The following MIPOL1 variants were observed in gnomAD, a reference collection of about 807,000 sequenced individuals.
The protein encoded by MIPOL1 is mirror-image polydactyly 1.
A neutral mutation model predicts 60.9 loss-of-function variants in MIPOL1; 57 were observed. The ratio of observed to expected loss-of-function variants is 0.94; its 90% CI spans 0.76 to 1.17. The LOEUF is 1.17. MIPOL1 is among the 50% of genes most tolerant of loss of function. MIPOL1 has a pLI of 0.00. For missense variants in MIPOL1, 551 were observed against 511.6 expected (o/e 1.08, Z -0.74); for synonymous variants, 179 against 168.8 (o/e 1.06, Z -0.47).
intron 12 of MIPOL1, among the ~76,000 whole-genome samples, chr14:37,529,814 A>G (rs1343831110): frequency 6.6e-6 from 1 of 152,212 alleles, no homozygotes; most frequent in Non-Finnish European, 1.5e-5. Flanking sequence ...TCACCCTGGC[A>G]GGAGCGGAGG....
chr14:37,291,400 T>G (rs2153416808), intron 7 of MIPOL1, among the ~76,000 whole-genome samples: 1 of 152,264 alleles, frequency 6.6e-6, no homozygotes, highest in South Asian at 2.1e-4. Context: ...TAATACCAAT[T>G]GTCATTGTTC....
At chr14:37,397,201 G>A (rs536408541) in intron 10 of MIPOL1, among the ~76,000 whole-genome samples, 2 of 152,218 alleles carry the variant, frequency 1.3e-5, no homozygotes, top group Admixed American at 1.3e-4. Flanking sequence ...TTTTCCTATG[G>A]ATGTGGCTTC....
intron 1 of MIPOL1, among the ~76,000 whole-genome samples, chr14:37,212,696 G>A (rs1315414837): frequency 6.6e-6 from 1 of 152,150 alleles, no homozygotes; most frequent in Admixed American, 6.5e-5. Context: ...CCTGCTGACT[G>A]TAGAGTTCAA....
chr14:37,355,566 T>G (rs1394653762), intron 9 of MIPOL1, among the ~76,000 whole-genome samples: 2 of 145,968 alleles, frequency 1.4e-5, no homozygotes, highest in Non-Finnish European at 3.0e-5. Context: ...GATTTGGTCT[T>G]TTCACATAGT....
At chr14:37,422,555 T>C (rs1039165478) in intron 10 of MIPOL1, among the ~76,000 whole-genome samples, 6 of 152,052 alleles carry the variant, frequency 3.9e-5, no homozygotes, top group Non-Finnish European at 5.9e-5. Flanking sequence ...CATGTTCCAC[T>C]TTCTGAATTC....
intron 11 of MIPOL1, among the ~76,000 whole-genome samples, chr14:37,487,171 C>A (rs2153602769): frequency 6.6e-6 from 1 of 152,154 alleles, no homozygotes; most frequent in African/African-American, 2.4e-5. Context: ...ATCCTTGCAT[C>A]CCAGGGATGA....
chr14:37,398,541 C>G lies in MIPOL1; in HGVS notation c.937-24314C>G, dbSNP rs1414540797. Among the ~76,000 whole-genome samples, 6 of 152,318 alleles carry G rather than the reference C, an allele frequency of 3.9e-5. No individual in the cohort carries two copies. In the East Asian group the frequency reaches 9.6e-4, roughly 24 times the overall value. ...CCAGGCCAACCTTTTCGTATCTTCT[C>G]TGGCCATCAACAATAATAGCCATTT... On this transcript the variant is annotated intron_variant, in intron 10 of 12. Coordinates refer to ENST00000684589, the MANE Select transcript of MIPOL1 (RefSeq NM_001388067.1).
chr14:37,220,054 T>G (rs1025307900), intron 1 of MIPOL1, among the ~76,000 whole-genome samples: 6 of 152,218 alleles, frequency 3.9e-5, no homozygotes, highest in Non-Finnish European at 7.3e-5. Context: ...ATGTTTTTAC[T>G]TTGTGTGCCT....
intron 9 of MIPOL1, among the ~76,000 whole-genome samples, chr14:37,358,894 A>G (rs951781012): frequency 2.0e-5 from 3 of 152,062 alleles, no homozygotes; most frequent in South Asian, 2.1e-4. Context: ...TGTTTTAGTC[A>G]TGACGTCCTT....
chr14:37,234,396 G>T lies in MIPOL1; in HGVS notation c.-198-12707G>T, dbSNP rs187230961. Among the ~76,000 whole-genome samples, 59 of 128,082 alleles carry T rather than the reference G, an allele frequency of 4.6e-4. 1 individual carries two copies. In the East Asian group the frequency reaches 0.013, roughly 29 times the overall value. 84.0% of individuals were successfully genotyped at this position (128,082 alleles called of 152,430 possible). A position where few individuals can be genotyped will look rare whatever the true frequency, so the allele number is the denominator to read the frequency against. On this transcript the variant is annotated intron_variant, in intron 1 of 12. Transcript: ENST00000684589. Reference sequence around the variant, plus strand: ...TTTTCAGGTGGGATCTTGCTGTATTGCCCTGGCTGGCCTCGAACTCCTAGG... The same window carrying T: ...TTTTCAGGTGGGATCTTGCTGTATTTCCCTGGCTGGCCTCGAACTCCTAGG...
chr14:37,414,544 CT>C (rs1595673096), intron 10 of MIPOL1, among the ~76,000 whole-genome samples: 1 of 152,174 alleles, frequency 6.6e-6, no homozygotes. Flanking sequence ...CTTACTGCCC[CT>C]GGCCTCCATG....
intron 1 of MIPOL1, among the ~76,000 whole-genome samples, chr14:37,205,148 G>T (rs1360578752): frequency 6.6e-6 from 1 of 151,624 alleles, no homozygotes; most frequent in Admixed American, 6.6e-5. Context: ...TTATTGTCCA[G>T]GCTGGGGTGC....
At chr14:37,225,492 T>C (rs1969553102) in intron 1 of MIPOL1, among the ~76,000 whole-genome samples, 1 of 152,184 alleles carries the variant, frequency 6.6e-6, no homozygotes, top group African/African-American at 2.4e-5. Context: ...GGTTTGAGGC[T>C]TGCACCCTCT....
chr14:37,371,308 C>T (rs1000878596), intron 10 of MIPOL1, among the ~76,000 whole-genome samples: 1 of 151,392 alleles, frequency 6.6e-6, no homozygotes, highest in Non-Finnish European at 1.5e-5. Flanking sequence ...TTAGTAGAGT[C>T]GAGGTTTCAC....
intron 1 of MIPOL1, among the ~76,000 whole-genome samples, chr14:37,215,137 C>G (rs1462596094): frequency 1.3e-5 from 2 of 152,104 alleles, no homozygotes; most frequent in Non-Finnish European, 1.5e-5. Flanking sequence ...GCTGTCTTCT[C>G]TCTCTCTCTC....
chr14:37,231,600 T>C (rs941554085), intron 1 of MIPOL1, among the ~76,000 whole-genome samples: 3 of 152,168 alleles, frequency 2.0e-5, no homozygotes, highest in African/African-American at 7.2e-5. Flanking sequence ...GTGTGTTTGT[T>C]CTCAAACCTG....
intron 3 of MIPOL1, among the ~76,000 whole-genome samples, chr14:37,252,514 AAC>A (rs747197597): frequency 2.0e-5 from 3 of 151,940 alleles, no homozygotes; most frequent in Non-Finnish European, 4.4e-5. Flanking sequence ...AAAACACAGT[AAC>A]ACAAATTTTT....
chr14:37,354,809 G>A (rs1482663913), intron 9 of MIPOL1, among the ~76,000 whole-genome samples: 12 of 102,934 alleles, frequency 1.2e-4, no homozygotes, highest in South Asian at 4.2e-4. Context: ...GTCTCTGCAC[G>A]TGAGATGGGT....
At chr14:37,428,247 G>A (rs144200162) in intron 11 of MIPOL1, among the ~76,000 whole-genome samples, 3 of 152,224 alleles carry the variant, frequency 2.0e-5, no homozygotes, top group Non-Finnish European at 4.4e-5. Flanking sequence ...TCAGCTCTTC[G>A]TTTTAGGGGC....
Sources: gnomAD v4.1 joint callset for allele counts (sites outside exome capture counted in the v4.1 genomes callset) on GRCh38, gnomAD v4.1.1 for gene constraint, MANE v1.5 for transcripts, NCBI Gene and HGNC (gene_info 2026-07-23, HGNC 2026-07-21) for gene names.